The following XKR6 variants were observed in gnomAD, a reference collection of about 807,000 sequenced individuals.
XKR6 encodes the protein XK-related protein 6.
A neutral mutation model predicts 56.7 loss-of-function variants in XKR6; 22 were observed. The observed-to-expected ratio is 0.39, with a 90% CI of 0.28 to 0.55. XKR6 has a LOEUF of 0.55. XKR6 is among the 20% of genes least tolerant of loss of function. The pLI is 0.66. For synonymous variants in XKR6, 524 were observed against 387.8 expected, an observed-to-expected ratio of 1.35 and a Z score of -4.13; for missense variants, 852 against 889.0, an observed-to-expected ratio of 0.96 and a Z score of 0.53.
chr8:10,946,233 G>A (rs916103798), intron 1 of XKR6, among the ~76,000 whole-genome samples: 1 of 152,010 alleles, frequency 6.6e-6, no homozygotes, highest in Non-Finnish European at 1.5e-5. Flanking sequence ...GATCAGCTCT[G>A]CCCACAGGAG....
chr8:11,184,388 T>TACAAACACACACACAC (rs940341331), intron 1 of XKR6, among the ~76,000 whole-genome samples: 2 of 146,156 alleles, frequency 1.4e-5, no homozygotes, highest in Admixed American at 6.9e-5. Flanking sequence ...TATACACACA[T>TACAAACACACACACAC]ACACACACAC....
In XKR6 at chr8:10,954,866, C is replaced by CTTTTTTTTTTTTTTTTTTTTTTTTTT. The variant is rs34248780; in HGVS notation, c.765-30037_765-30036insAAAAAAAAAAAAAAAAAAAAAAAAAA. Among the ~76,000 whole-genome samples, 12 of 92,794 alleles carry CTTTTTTTTTTTTTTTTTTTTTTTTTT rather than the reference C, an allele frequency of 1.3e-4. 2 individuals are homozygous for CTTTTTTTTTTTTTTTTTTTTTTTTTT. The highest frequency in any genetic ancestry group is 2.0e-4 in the Non-Finnish European group (9 of 45,952). 60.9% of individuals were successfully genotyped at this position (92,794 alleles called of 152,430 possible). ...TAAGGTAAGGGTCTAACTTCATTCT[C>CTTTTTTTTTTTTTTTTTTTTTTTTTT]TTTTTTTTTTTTTTTTTTTTAGACA... On this transcript the variant is annotated intron_variant, in intron 1 of 2. Coordinates refer to ENST00000416569, the MANE Select transcript of XKR6 (RefSeq NM_173683.4).
chr8:11,103,859 T>C (rs1172365926), intron 1 of XKR6, among the ~76,000 whole-genome samples: 3 of 152,228 alleles, frequency 2.0e-5, no homozygotes, highest in Admixed American at 2.0e-4. Flanking sequence ...TGCTGCAAAA[T>C]TGGGAATGTT....
chr8:11,122,860 C>T (rs1256138806), intron 1 of XKR6, among the ~76,000 whole-genome samples: 1 of 152,082 alleles, frequency 6.6e-6, no homozygotes, highest in Admixed American at 6.6e-5. Context: ...GAAAACTAGA[C>T]AGGAAAAAGT....
rs79072778 is a variant in XKR6, at chr8:11,074,706, G to A, written c.764+125870C>T. On this transcript the variant is annotated intron_variant, in intron 1 of 2. Transcript: ENST00000416569. Reference sequence around the variant, plus strand: ...CAAGGTGGGAGAGAGGCAGAGAGACGGCGAAGTGGAATGTGCTACCAGTGA... The same window carrying A: ...CAAGGTGGGAGAGAGGCAGAGAGACAGCGAAGTGGAATGTGCTACCAGTGA... 5.7e-4 allele frequency among the ~76,000 whole-genome samples: 87 copies of A among 152,264 alleles called. 1 individual carries two copies. In the East Asian group the frequency reaches 0.016, roughly 28 times the overall value.
intron 1 of XKR6, among the ~76,000 whole-genome samples, chr8:11,092,692 T>C (rs184063617): frequency 6.6e-6 from 1 of 152,368 alleles, no homozygotes; most frequent in East Asian, 1.9e-4. Flanking sequence ...TCCCCCTGGA[T>C]GATGATCAAG....
chr8:11,182,595 G>T (rs1311510660), intron 1 of XKR6, among the ~76,000 whole-genome samples: 1 of 152,182 alleles, frequency 6.6e-6, no homozygotes, highest in Non-Finnish European at 1.5e-5. Context: ...TTTAAGTTGG[G>T]CAACAGTCCT....
chr8:10,932,332 G>A (rs1801074862), intron 1 of XKR6, among the ~76,000 whole-genome samples: 1 of 151,954 alleles, frequency 6.6e-6, no homozygotes, highest in African/African-American at 2.4e-5. Context: ...CTCCACATAT[G>A]ACCCATAGTT....
At chr8:11,184,624 G>T (rs1277019196) in intron 1 of XKR6, among the ~76,000 whole-genome samples, 1 of 152,108 alleles carries the variant, frequency 6.6e-6, no homozygotes, top group Non-Finnish European at 1.5e-5. Context: ...CTGTTTCGAT[G>T]AAAACATTTC....
chr8:11,077,842 GGGGGACCCTGGCATGATCATCAGACC>G (rs747374597), intron 1 of XKR6, among the ~76,000 whole-genome samples: 5 of 152,226 alleles, frequency 3.3e-5, no homozygotes, highest in Non-Finnish European at 5.9e-5. Flanking sequence ...AGTCACAAGA[GGGGGACCCTGGCATGATCATCAGACC>G]GGGGACCCAG....
rs371098537 is a variant in XKR6, at chr8:11,183,724, A to G, written c.764+16852T>C. Reference sequence around the variant, plus strand: ...ATTCATTTTTTATTTGATCTTGAAAAGAGGTCCTAAGATCTGTGTTGATTA... The same window carrying G: ...ATTCATTTTTTATTTGATCTTGAAAGGAGGTCCTAAGATCTGTGTTGATTA... On this transcript the variant is annotated intron_variant, in intron 1 of 2. Transcript: ENST00000416569. Among the ~76,000 whole-genome samples, 9 of 152,326 alleles carry G rather than the reference A, an allele frequency of 5.9e-5. 1 individual carries two copies. The South Asian group carries it at 1.4e-3, about 25-fold the overall frequency.
rs148211890 is a variant in XKR6, at chr8:10,908,028, A to C, written c.962-9112T>G. Among the ~76,000 whole-genome samples, 67 of 152,348 alleles carry C rather than the reference A, an allele frequency of 4.4e-4. No homozygotes were observed. In the South Asian group the frequency reaches 6.4e-3, roughly 15 times the overall value. On this transcript the variant is annotated intron_variant, in intron 2 of 2. Coordinates refer to ENST00000416569, the MANE Select transcript of XKR6 (RefSeq NM_173683.4). ...CGTGGCTTCCAGTGCCTGGTGGACCATCAAGAGTCACTGATTTTCAACGCC... is the reference window on the plus strand; with the variant it reads ...CGTGGCTTCCAGTGCCTGGTGGACCCTCAAGAGTCACTGATTTTCAACGCC...
chr8:10,984,817 G>C (rs1797823890), intron 1 of XKR6, among the ~76,000 whole-genome samples: 1 of 148,180 alleles, frequency 6.7e-6, no homozygotes, highest in South Asian at 2.1e-4. Context: ...CAGACTTCAA[G>C]AATGGAAAGC....
chr8:10,906,963 G>A (rs755821271), intron 2 of XKR6, among the ~76,000 whole-genome samples: 2 of 152,106 alleles, frequency 1.3e-5, no homozygotes, highest in Non-Finnish European at 2.9e-5. Context: ...CAGGGGAATC[G>A]TTTGAACCTG....
chr8:11,069,812 C>T (rs763156271), intron 1 of XKR6, among the ~76,000 whole-genome samples: 18 of 152,130 alleles, frequency 1.2e-4, no homozygotes, highest in African/African-American at 2.4e-4. Flanking sequence ...TAGCATGCGG[C>T]GTGGCCCAGA....
chr8:10,943,688 G>A (rs1317831584), intron 1 of XKR6, among the ~76,000 whole-genome samples: 4 of 152,150 alleles, frequency 2.6e-5, no homozygotes, highest in African/African-American at 7.2e-5. Context: ...AAAGCCTTAC[G>A]ATCGTCCTCA....
At chr8:11,070,733 C>A (rs1202730207) in intron 1 of XKR6, among the ~76,000 whole-genome samples, 1 of 152,188 alleles carries the variant, frequency 6.6e-6, no homozygotes, top group Non-Finnish European at 1.5e-5. Flanking sequence ...TTCATAAAAT[C>A]CTTACATAGG....
chr8:10,911,022 G>A (rs1318568732), intron 2 of XKR6, among the ~76,000 whole-genome samples: 4 of 152,154 alleles, frequency 2.6e-5, no homozygotes, highest in African/African-American at 9.7e-5. Context: ...GCTGTGTTTT[G>A]ACAGAGGCAG....
chr8:11,093,541 T>C (rs1798155389), intron 1 of XKR6, among the ~76,000 whole-genome samples: 1 of 152,218 alleles, frequency 6.6e-6, no homozygotes, highest in South Asian at 2.1e-4. Flanking sequence ...CCTTAGTCTC[T>C]TAGTTATAAT....
Sources: gnomAD v4.1 joint callset for allele counts (sites outside exome capture counted in the v4.1 genomes callset) on GRCh38, gnomAD v4.1.1 for gene constraint, MANE v1.5 for transcripts, NCBI Gene and HGNC (gene_info 2026-07-23, HGNC 2026-07-21) for gene names.